The following EHBP1 variants were observed in gnomAD, a reference collection of about 807,000 sequenced individuals.
EHBP1 encodes EH domain binding protein 1, also known as EH domain-binding protein 1.
A neutral mutation model predicts 144.0 loss-of-function variants in EHBP1; 55 were observed. The observed-to-expected ratio is 0.38, with a 90% confidence interval of 0.31 to 0.48. The LOEUF is 0.48. Among genes scored for constraint, EHBP1 ranks in the 20% least tolerant of loss-of-function variants. The pLI, the probability that EHBP1 is intolerant of heterozygous loss-of-function variation, is 0.98. For missense variants in EHBP1, 1,200 were observed against 1,364.2 expected (o/e 0.88, Z 1.90); for synonymous variants, 469 against 472.7 (o/e 0.99, Z 0.10).
intron 5 of EHBP1, among the ~76,000 whole-genome samples, chr2:62,809,369 C>G (rs928214518): frequency 2.0e-5 from 3 of 150,744 alleles, no homozygotes; most frequent in African/African-American, 7.3e-5. Context: ...CCCCTCTCCC[C>G]CAACTGGAAG....
intron 14 of EHBP1, among the ~76,000 whole-genome samples, chr2:62,964,572 A>G (rs1049284111): frequency 6.6e-6 from 1 of 152,188 alleles, no homozygotes; most frequent in African/African-American, 2.4e-5. Flanking sequence ...ATTGTGTGCT[A>G]TTGTATTTAC....
At chr2:62,689,933 C>T (rs931071507) in intron 1 of EHBP1, among the ~76,000 whole-genome samples, 6 of 152,122 alleles carry the variant, frequency 3.9e-5, no homozygotes, top group Non-Finnish European at 5.9e-5. Context: ...AGTTATCAGG[C>T]TTTGTTAGTC....
upstream of EHBP1, among the ~76,000 whole-genome samples, chr2:62,704,403 A>T (rs1354643897): frequency 6.6e-6 from 1 of 152,082 alleles, no homozygotes; most frequent in Non-Finnish European, 1.5e-5. Flanking sequence ...GATGGACTCA[A>T]TTCTCACCCA....
At chr2:62,824,896 A>C (rs1026979144) in intron 5 of EHBP1, among the ~76,000 whole-genome samples, 11 of 152,088 alleles carry the variant, frequency 7.2e-5, no homozygotes, top group African/African-American at 2.6e-4. Context: ...TTATTAAATA[A>C]TAGTTCAAAG....
intron 2 of EHBP1, among the ~76,000 whole-genome samples, chr2:62,724,838 C>G (rs2036589331): frequency 6.6e-6 from 1 of 152,168 alleles, no homozygotes; most frequent in Admixed American, 6.5e-5. Flanking sequence ...TAGATTCTCA[C>G]AGGAGCACAA....
intron 5 of EHBP1, among the ~76,000 whole-genome samples, chr2:62,820,737 A>T (rs868676459): frequency 2.2e-4 from 12 of 54,644 alleles, no homozygotes; most frequent in African/African-American, 6.7e-4. Context: ...GTGTGTGTAT[A>T]ATATATATAT....
At chr2:62,921,199 A>G (rs2055050663) in intron 10 of EHBP1, among the ~76,000 whole-genome samples, 1 of 152,142 alleles carries the variant, frequency 6.6e-6, no homozygotes, top group Admixed American at 6.6e-5. Context: ...TAATCCCAGC[A>G]CTTTGGGAGG....
chr2:63,039,205 T>G (rs879735502), intron 21 of EHBP1, among the ~76,000 whole-genome samples: 2 of 152,334 alleles, frequency 1.3e-5, no homozygotes, highest in Non-Finnish European at 2.9e-5. Context: ...AATTTTACTT[T>G]AATTGATGTC....
At chr2:63,039,075 A>G (rs1200557746) in intron 21 of EHBP1, among the ~76,000 whole-genome samples, 2 of 152,214 alleles carry the variant, frequency 1.3e-5, no homozygotes, top group Non-Finnish European at 2.9e-5. Flanking sequence ...TGTCCATAAA[A>G]TGGAAAATAA....
intron 10 of EHBP1, among the ~76,000 whole-genome samples, chr2:62,891,055 G>A (rs2052419065): frequency 6.6e-6 from 1 of 151,212 alleles, no homozygotes. Flanking sequence ...GCACGCACCT[G>A]TAATCCCAGC....
chr2:62,773,870 A>G (rs2041861556), intron 5 of EHBP1, among the ~76,000 whole-genome samples: 1 of 147,368 alleles, frequency 6.8e-6, no homozygotes, highest in Admixed American at 6.7e-5. Context: ...AAAAAAAAAA[A>G]AAAAAAAAAA....
intron 10 of EHBP1, among the ~76,000 whole-genome samples, chr2:62,885,932 T>C (rs1174950403): frequency 6.6e-6 from 1 of 152,222 alleles, no homozygotes; most frequent in African/African-American, 2.4e-5. Flanking sequence ...AACTGAAGTC[T>C]TCACTCATAT....
upstream of EHBP1, among the ~76,000 whole-genome samples, chr2:62,703,916 C>G (rs924928773): frequency 3.3e-5 from 5 of 152,282 alleles, no homozygotes; most frequent in South Asian, 2.1e-4. Flanking sequence ...TTGAGAACTT[C>G]CAGAGAACAG....
At chr2:62,806,415 G>C (rs934378313) in intron 5 of EHBP1, among the ~76,000 whole-genome samples, 7 of 151,908 alleles carry the variant, frequency 4.6e-5, no homozygotes, top group Non-Finnish European at 1.0e-4. Flanking sequence ...GTGTCACCCA[G>C]GTTGGAATGC....
intron 10 of EHBP1, among the ~76,000 whole-genome samples, chr2:62,913,523 A>T (rs768938709): frequency 6.6e-6 from 1 of 152,208 alleles, no homozygotes; most frequent in African/African-American, 2.4e-5. Flanking sequence ...GGTAATTACA[A>T]TTGAGCTGTA....
chr2:62,948,965 T>A lies in EHBP1; in HGVS notation c.2119T>A (p.Ser707Thr), dbSNP rs2057227443. ...LEKEKLENSR[S>T]LECRSDPESP... is the part of the protein sequence containing the mutation. ...GAAAGAAAAATTAGAGAATTCCAGA[T>A]CCTTAGAATGCAGATCAGATCCAGA... Residue 707 changes from serine to threonine, a missense_variant, in exon 13 of 23, where the codon TCC (serine) becomes ACC (threonine). Physicochemically the swap from Ser to Thr is moderately conservative, Grantham distance 58. Transcript: ENST00000431489. 6.2e-7 allele frequency: 1 copy of A among 1,613,820 alleles called. No homozygotes were observed. Among genetic ancestry groups the A allele is most frequent in the African/African-American group, 1.3e-5 (1 of 74,890 alleles).
chr2:62,989,060 A>G (rs1371384082), intron 15 of EHBP1, among the ~76,000 whole-genome samples: 2 of 152,136 alleles, frequency 1.3e-5, no homozygotes, highest in Non-Finnish European at 2.9e-5. Flanking sequence ...CTATTGCTAA[A>G]TAGAAGTCAG....
chr2:62,794,551 ACTT>A (rs1352925245), intron 5 of EHBP1, among the ~76,000 whole-genome samples: 1 of 152,014 alleles, frequency 6.6e-6, no homozygotes, highest in Admixed American at 6.5e-5. Context: ...TTTGGGTACT[ACTT>A]TCAAATACCC....
chr2:62,964,634 G>A (rs1247924882), intron 14 of EHBP1, among the ~76,000 whole-genome samples: 2 of 152,168 alleles, frequency 1.3e-5, no homozygotes, highest in African/African-American at 2.4e-5. Flanking sequence ...TTCACTTGAT[G>A]TAAAATAATC....
Sources: allele counts gnomAD v4.1 joint callset (sites outside exome capture counted in the v4.1 genomes callset), GRCh38; gene constraint gnomAD v4.1.1; transcripts MANE v1.5; gene names NCBI Gene and HGNC (gene_info 2026-07-23, HGNC 2026-07-21).